Variants in OR9Q1 observed in about 807,000 individuals in gnomAD.
OR9Q1 encodes olfactory receptor family 9 subfamily Q member 1, also known as olfactory receptor 9Q1.
For synonymous variants in OR9Q1, 153 were observed against 148.6 expected, an observed-to-expected ratio of 1.03 and a Z score of -0.22; for missense variants, 374 against 378.8, an observed-to-expected ratio of 0.99 and a Z score of 0.11.
chr11:58,157,538 AAAG>A (rs1381459698), intron 2 of OR9Q1, among the ~76,000 whole-genome samples: 13 of 152,108 alleles, frequency 8.5e-5, no homozygotes, highest in Admixed American at 6.6e-5. Context: ...AGAAGGAAGA[AAAG>A]AAGGAAGGAA....
At chr11:58,031,171 C>G (rs1289683950) in intron 1 of OR9Q1, 9 of 1,614,054 alleles carry the variant, frequency 5.6e-6, no homozygotes, top group South Asian at 1.1e-5. Context: ...GCCTTGAAAT[C>G]TGGTACACTT....
intron 2 of OR9Q1, among the ~76,000 whole-genome samples, chr11:58,071,567 C>T (rs1322796678): frequency 6.6e-6 from 1 of 151,972 alleles, no homozygotes; most frequent in Non-Finnish European, 1.5e-5. Flanking sequence ...AGTTTGCATT[C>T]CTTTGATTAA....
At chr11:58,050,481 A>C (rs914292540) in intron 1 of OR9Q1, among the ~76,000 whole-genome samples, 1 of 117,690 alleles carries the variant, frequency 8.5e-6, no homozygotes, top group Non-Finnish European at 1.8e-5. Context: ...GTTAGACCTA[A>C]AACCATAAAA....
At chr11:58,150,525 A>T (rs967276176) in intron 2 of OR9Q1, among the ~76,000 whole-genome samples, 1 of 152,226 alleles carries the variant, frequency 6.6e-6, no homozygotes, top group Non-Finnish European at 1.5e-5. Flanking sequence ...ATTTCAATCA[A>T]CGATGGATCA....
chr11:58,101,208 T>C (rs1853780399), intron 2 of OR9Q1, among the ~76,000 whole-genome samples: 1 of 152,064 alleles, frequency 6.6e-6, no homozygotes, highest in African/African-American at 2.4e-5. Context: ...TTAAGAAATC[T>C]TTATACTGTT....
intron 1 of OR9Q1, among the ~76,000 whole-genome samples, chr11:58,024,804 G>A (rs1054686890): frequency 1.3e-5 from 2 of 152,204 alleles, no homozygotes; most frequent in African/African-American, 4.8e-5. Flanking sequence ...ACTGGAGCCT[G>A]TGGGATATTC....
intron 2 of OR9Q1, among the ~76,000 whole-genome samples, chr11:58,136,915 C>T (rs1854194620): frequency 6.6e-6 from 1 of 152,148 alleles, no homozygotes; most frequent in Admixed American, 6.6e-5. Flanking sequence ...GACCTGGAGA[C>T]CTCCCTAAGT....
chr11:58,151,665 T>G (rs1346218817), intron 2 of OR9Q1, among the ~76,000 whole-genome samples: 4 of 152,166 alleles, frequency 2.6e-5, no homozygotes, highest in Admixed American at 1.3e-4. Context: ...TAGTAGGTAT[T>G]AGCTCATTAC....
intron 2 of OR9Q1, among the ~76,000 whole-genome samples, chr11:58,085,307 C>T (rs1369238577): frequency 5.9e-5 from 9 of 151,618 alleles, no homozygotes; most frequent in African/African-American, 2.2e-4. Flanking sequence ...CATATACATA[C>T]CTGTGAGACC....
In OR9Q1 at chr11:58,165,615, C is replaced by G. The variant is rs563341102; in HGVS notation, c.-14-13816C>G. On this transcript the variant is annotated intron_variant, in intron 2 of 2. Coordinates refer to ENST00000335397, the MANE Select transcript of OR9Q1 (RefSeq NM_001005212.4). The stretch of plus-strand genomic sequence containing the variant: ...ATGGGCCTTAAAGGTTTCAATAGGG[C>G]AGGATCCATGTGAAACTTGCTCCCT... Among the ~76,000 whole-genome samples the G allele has an allele frequency of 3.9e-5, 6 of 152,274 alleles. 1 individual carries two copies. Among genetic ancestry groups the G allele is most frequent in the Non-Finnish European group, 7.4e-5 (5 of 68,024 alleles).
chr11:58,107,123 T>C lies in OR9Q1; in HGVS notation c.-15+51176T>C, dbSNP rs1021191307. On this transcript the variant is annotated intron_variant, in intron 2 of 2. Coordinates refer to ENST00000335397, the MANE Select transcript of OR9Q1 (RefSeq NM_001005212.4). ...AATGTGGGATGTCTTTCTTTTTTTT[T>C]AAATTATACTTTACGTTCTAGGGTA... is the stretch of plus-strand genomic sequence containing the variant. Among the ~76,000 whole-genome samples, 3 of 152,152 alleles carry C rather than the reference T, an allele frequency of 2.0e-5. 1 individual carries two copies. The highest frequency in any genetic ancestry group is 7.2e-5 in the African/African-American group (3 of 41,566).
chr11:58,119,540 G>T, intron 2 of OR9Q1: 4 of 857,606 alleles, frequency 4.7e-6, no homozygotes, highest in South Asian at 4.0e-5. Flanking sequence ...TGGAAGTTTT[G>T]GTTTTAATTC....
At chr11:58,137,380 G>A (rs966057155) in intron 2 of OR9Q1, among the ~76,000 whole-genome samples, 2 of 152,130 alleles carry the variant, frequency 1.3e-5, no homozygotes, top group Non-Finnish European at 2.9e-5. Context: ...TGATTCTGAT[G>A]AGACCCCTGA....
chr11:58,074,940 C>T (rs1030608372), intron 2 of OR9Q1, among the ~76,000 whole-genome samples: 1 of 151,998 alleles, frequency 6.6e-6, no homozygotes, highest in Non-Finnish European at 1.5e-5. Context: ...ATTTCTGAGG[C>T]CTCTGTTCTG....
intron 1 of OR9Q1, among the ~76,000 whole-genome samples, chr11:58,037,707 T>G (rs1853121140): frequency 2.5e-4 from 4 of 16,166 alleles, no homozygotes; most frequent in Admixed American, 6.8e-4. Context: ...TTTTTTTTTT[T>G]TTTTTTTTTT....
At position 58,055,882 on chromosome 11, in the gene OR9Q1, C is replaced by G. The variant is rs1413859607; in HGVS notation, c.-80C>G. 1 of 152,326 alleles carries G rather than the reference C, an allele frequency of 6.6e-6. No individual in the cohort carries two copies. The highest frequency in any genetic ancestry group is 1.5e-5 in the Non-Finnish European group (1 of 68,316). 9.4% of individuals were successfully genotyped at this position (152,326 alleles called of 1,614,324 possible). A position where few individuals can be genotyped will look rare whatever the true frequency, so the allele number is the denominator to read the frequency against. ...CTTCTATCTTCAGCCATGTAAGCAC[C>G]AAGAAGACCCTTACCAGACACTGCA... On this transcript the variant is annotated 5_prime_UTR_variant, in exon 2 of 3. Transcript: ENST00000335397.
chr11:58,042,573 G>A (rs2119943586), intron 1 of OR9Q1, among the ~76,000 whole-genome samples: 1 of 150,226 alleles, frequency 6.7e-6, no homozygotes, highest in South Asian at 2.1e-4. Context: ...TTGAAGTCAG[G>A]TAGTGTGATG....
chr11:58,031,136 T>C lies in OR9Q1; in HGVS notation c.-93+7032T>C, dbSNP rs372602969. 20 of 1,614,238 alleles carry C rather than the reference T, an allele frequency of 1.2e-5. No homozygotes were observed. The South Asian group carries it at 1.4e-4, about 12-fold the overall frequency. Reference sequence around the variant, plus strand: ...GGACCACCGACTACGGAGACCCATGTATTTCTTCCTGACACACTTGTCCTG... The same window carrying C: ...GGACCACCGACTACGGAGACCCATGCATTTCTTCCTGACACACTTGTCCTG... On this transcript the variant is annotated intron_variant, in intron 1 of 2. Coordinates refer to ENST00000335397, the MANE Select transcript of OR9Q1 (RefSeq NM_001005212.4).
intron 1 of OR9Q1, among the ~76,000 whole-genome samples, chr11:58,042,653 T>G (rs1853177174): frequency 6.6e-6 from 1 of 151,718 alleles, no homozygotes; most frequent in Non-Finnish European, 1.5e-5. Flanking sequence ...CCATATGAAC[T>G]TTCAAGTAGT....
Sources: gnomAD v4.1 joint callset for allele counts (sites outside exome capture counted in the v4.1 genomes callset) on GRCh38, gnomAD v4.1.1 for gene constraint, MANE v1.5 for transcripts, NCBI Gene and HGNC (gene_info 2026-07-23, HGNC 2026-07-21) for gene names.